ROBO2: variants seen among roughly 807,000 people sequenced by gnomAD.
ROBO2 encodes roundabout homolog 2.
In ROBO2, 53 loss-of-function variants were observed where a neutral mutation model predicts 160.8. That is an observed-to-expected ratio of 0.33 (90% confidence interval 0.26 to 0.41). The LOEUF (loss-of-function observed/expected upper bound fraction) is 0.41, where lower values mean the gene tolerates loss of function less well. ROBO2 is among the 10% of genes least tolerant of loss of function. The pLI is 1.00. For synonymous variants in ROBO2, 664 were observed against 611.7 expected, an observed-to-expected ratio of 1.09 and a Z score of -1.26; for missense variants, 1,577 against 1,722.4, an observed-to-expected ratio of 0.92 and a Z score of 1.49.
intron 2 of ROBO2, among the ~76,000 whole-genome samples, chr3:76,719,347 G>A (rs2107693698): frequency 6.6e-6 from 1 of 152,192 alleles, no homozygotes; most frequent in Non-Finnish European, 1.5e-5. Flanking sequence ...CAATTTTAAA[G>A]TGTTAGTTAA....
At chr3:76,634,908 T>C (rs992723132) in intron 2 of ROBO2, among the ~76,000 whole-genome samples, 4 of 152,210 alleles carry the variant, frequency 2.6e-5, no homozygotes, top group African/African-American at 9.6e-5. Flanking sequence ...TGGATTCTCA[T>C]AGGAGTGTGA....
chr3:77,436,327 C>T (rs1360968258), intron 2 of ROBO2, among the ~76,000 whole-genome samples: 1 of 140,224 alleles, frequency 7.1e-6, no homozygotes, highest in Non-Finnish European at 1.6e-5. Flanking sequence ...ATATACAATA[C>T]ATTATCTGTT....
chr3:76,545,514 A>G (rs2083047486), intron 2 of ROBO2, among the ~76,000 whole-genome samples: 1 of 151,962 alleles, frequency 6.6e-6, no homozygotes, highest in Admixed American at 6.6e-5. Flanking sequence ...TTGAGCCTGA[A>G]GAATTATGGA....
chr3:76,391,298 G>A (rs1179567951), intron 2 of ROBO2, among the ~76,000 whole-genome samples: 1 of 152,050 alleles, frequency 6.6e-6, no homozygotes, highest in Non-Finnish European at 1.5e-5. Flanking sequence ...TGCTAAAAAT[G>A]GTTTTGAGAC....
chr3:76,141,060 C>CATATATATATATATATAT (rs55691222), intron 2 of ROBO2, among the ~76,000 whole-genome samples: 1,342 of 53,502 alleles, frequency 0.025, 94 homozygotes, highest in Middle Eastern at 0.062. Context: ...TTTTTACATA[C>CATATATATATATATATAT]ATATATATAT....
At chr3:76,191,730 T>C (rs1396483553) in intron 2 of ROBO2, among the ~76,000 whole-genome samples, 1 of 151,904 alleles carries the variant, frequency 6.6e-6, no homozygotes, top group Non-Finnish European at 1.5e-5. Flanking sequence ...ATTGATTTTT[T>C]TTAAAAAAGA....
At chr3:76,159,108 A>G (rs113414341) in intron 2 of ROBO2, among the ~76,000 whole-genome samples, 1 of 152,180 alleles carries the variant, frequency 6.6e-6, no homozygotes, top group African/African-American at 2.4e-5. Flanking sequence ...CCTAGCTTGC[A>G]TGGCTAACTC....
chr3:77,545,110 T>A (rs2092646776), intron 6 of ROBO2, among the ~76,000 whole-genome samples: 1 of 152,136 alleles, frequency 6.6e-6, no homozygotes, highest in African/African-American at 2.4e-5. Context: ...ATAGACTAAG[T>A]GGCTTCCTCT....
At chr3:76,727,448 C>CTTTTATTT (rs1319452494) in intron 2 of ROBO2, among the ~76,000 whole-genome samples, 2 of 152,086 alleles carry the variant, frequency 1.3e-5, no homozygotes, top group Non-Finnish European at 2.9e-5. Context: ...GAGTAATGTG[C>CTTTTATTT]TTTTATTTTC....
intron 2 of ROBO2, among the ~76,000 whole-genome samples, chr3:76,591,320 T>TA (rs1245233459): frequency 2.0e-5 from 3 of 151,964 alleles, no homozygotes; most frequent in Admixed American, 2.0e-4. Flanking sequence ...GAGAAGGAGA[T>TA]AAAAAGGAAA....
At chr3:76,351,864 T>C (rs2074896804) in intron 2 of ROBO2, among the ~76,000 whole-genome samples, 1 of 151,966 alleles carries the variant, frequency 6.6e-6, no homozygotes, top group Non-Finnish European at 1.5e-5. Flanking sequence ...AGGGATATGC[T>C]AGCAACCCTA....
intron 8 of ROBO2, 37 bp downstream of exon 9, chr3:77,551,026 T>C: frequency 6.2e-7 from 1 of 1,601,506 alleles, no homozygotes; most frequent in Admixed American, 1.7e-5. Flanking sequence ...TATGAAAACA[T>C]TGATTTTTAT....
chr3:76,015,917 C>T (rs1372665024), intron 2 of ROBO2, among the ~76,000 whole-genome samples: 1 of 152,136 alleles, frequency 6.6e-6, no homozygotes, highest in Non-Finnish European at 1.5e-5. Flanking sequence ...TTTGGACTCT[C>T]AGTGTTTTAG....
intron 2 of ROBO2, among the ~76,000 whole-genome samples, chr3:76,215,335 G>C (rs1703434636): frequency 6.6e-6 from 1 of 152,150 alleles, no homozygotes; most frequent in Admixed American, 6.5e-5. Context: ...GGTTGAGAGA[G>C]GAAGGCTTCA....
chr3:77,024,998 G>C (rs931865762), intron 2 of ROBO2, among the ~76,000 whole-genome samples: 5 of 149,236 alleles, frequency 3.4e-5, no homozygotes, highest in African/African-American at 1.3e-4. Flanking sequence ...AAAAAAAAAG[G>C]ACAGAAGGTC....
At chr3:76,512,718 T>C (rs572335318) in intron 2 of ROBO2, among the ~76,000 whole-genome samples, 1 of 152,244 alleles carries the variant, frequency 6.6e-6, no homozygotes, top group African/African-American at 2.4e-5. Context: ...TTTATAAAAT[T>C]ACCTCAGGCT....
chr3:76,038,888 A>C (rs767087771), intron 2 of ROBO2, among the ~76,000 whole-genome samples: 1 of 151,886 alleles, frequency 6.6e-6, no homozygotes, highest in African/African-American at 2.4e-5. Flanking sequence ...GGAACAAAGT[A>C]GTGATTAGCT....
At chr3:77,575,432 C>A (rs766985328) in intron 14 of ROBO2, among the ~76,000 whole-genome samples, 2 of 152,030 alleles carry the variant, frequency 1.3e-5, no homozygotes, top group Non-Finnish European at 2.9e-5. Context: ...GCTCACAACT[C>A]TTGTAAAAAG....
In ROBO2 at chr3:76,415,964, G is replaced by A. The variant is rs79810970; in HGVS notation, c.109+478362G>A. On this transcript the variant is annotated intron_variant, in intron 2 of 26. Coordinates refer to the ROBO2 transcript ENST00000487694. ...AATTTTTCATGGTTTGGGAGCTAAT[G>A]TTCTCAATTATTTAGCAATGCAAAG... Among the ~76,000 whole-genome samples, 808 of 152,188 alleles carry A rather than the reference G, an allele frequency of 5.3e-3. 8 individuals carry two copies. Among genetic ancestry groups the A allele is most frequent in the African/African-American group, 0.018 (728 of 41,534 alleles).
Sources: gnomAD v4.1 joint callset for allele counts (sites outside exome capture counted in the v4.1 genomes callset) on GRCh38, gnomAD v4.1.1 for gene constraint, MANE v1.5 for transcripts, NCBI Gene and HGNC (gene_info 2026-07-23, HGNC 2026-07-21) for gene names.